Variants in RIMS1 observed in about 807,000 individuals in gnomAD.
RIMS1 encodes regulating synaptic membrane exocytosis 1.
A neutral mutation model predicts 214.1 loss-of-function variants in RIMS1; 83 were observed. That is an observed-to-expected ratio of 0.39 (90% CI 0.32 to 0.47). The LOEUF (loss-of-function observed/expected upper bound fraction) is 0.47. RIMS1 is among the 20% of genes least tolerant of loss of function. The pLI is 0.99. For missense variants in RIMS1, 2,050 were observed against 2,161.8 expected (o/e 0.95, Z 1.03); for synonymous variants, 793 against 786.8 (o/e 1.01, Z -0.13).
intron 4 of RIMS1, among the ~76,000 whole-genome samples, chr6:72,169,471 G>A (rs527887278): frequency 1.7e-4 from 26 of 152,208 alleles, no homozygotes; most frequent in Non-Finnish European, 3.4e-4. Context: ...ATTTTAGCCA[G>A]GAATATGAGA....
At chr6:72,299,785 A>T (rs919005098) in intron 26 of RIMS1, among the ~76,000 whole-genome samples, 3 of 151,998 alleles carry the variant, frequency 2.0e-5, no homozygotes, top group Non-Finnish European at 4.4e-5. Flanking sequence ...CACTATAAGA[A>T]CAAATTATGT....
At chr6:72,115,374 G>A (rs976258585) in intron 4 of RIMS1, among the ~76,000 whole-genome samples, 14 of 151,772 alleles carry the variant, frequency 9.2e-5, no homozygotes, top group East Asian at 1.9e-4. Context: ...GCTATCCTTC[G>A]TATGTCAATC....
chr6:72,018,984 AC>A (rs1486566181), intron 2 of RIMS1, among the ~76,000 whole-genome samples: 1 of 152,146 alleles, frequency 6.6e-6, no homozygotes, highest in Non-Finnish European at 1.5e-5. Context: ...TTTTTAGATG[AC>A]CTGCTTGATT....
At chr6:71,970,903 T>C (rs1447286381) in intron 2 of RIMS1, among the ~76,000 whole-genome samples, 2 of 152,156 alleles carry the variant, frequency 1.3e-5, no homozygotes, top group Non-Finnish European at 2.9e-5. Context: ...AAAAATAAAT[T>C]GGGAGGGGGT....
At chr6:71,890,807 T>G (rs531578192) in intron 1 of RIMS1, among the ~76,000 whole-genome samples, 1 of 152,248 alleles carries the variant, frequency 6.6e-6, no homozygotes, top group African/African-American at 2.4e-5. Context: ...ATTATAAGTA[T>G]AAATATTTGG....
At chr6:72,355,829 A>G (rs1218545446) in intron 29 of RIMS1, among the ~76,000 whole-genome samples, 1 of 152,160 alleles carries the variant, frequency 6.6e-6, no homozygotes, top group Non-Finnish European at 1.5e-5. Flanking sequence ...CTCCCCCAAC[A>G]ATAACAAAAA....
intron 1 of RIMS1, among the ~76,000 whole-genome samples, chr6:71,951,191 T>C (rs1789396367): frequency 6.6e-6 from 1 of 152,214 alleles, no homozygotes; most frequent in African/African-American, 2.4e-5. Flanking sequence ...AGATTATGTT[T>C]CCTTTAGTGG....
At chr6:72,364,602 CTG>C (rs1290299423) in intron 29 of RIMS1, among the ~76,000 whole-genome samples, 1 of 152,162 alleles carries the variant, frequency 6.6e-6, no homozygotes, top group Middle Eastern at 3.2e-3. Flanking sequence ...TCTTTGGCAA[CTG>C]TGTTGGTCAG....
chr6:72,212,470 A>C (rs956228207), intron 6 of RIMS1, among the ~76,000 whole-genome samples: 59 of 152,152 alleles, frequency 3.9e-4, no homozygotes, highest in Non-Finnish European at 7.6e-4. Flanking sequence ...CCTAAGTTCA[A>C]ATATTTCAAG....
chr6:72,131,544 G>C (rs755056480), intron 4 of RIMS1, among the ~76,000 whole-genome samples: 1 of 150,094 alleles, frequency 6.7e-6, no homozygotes, highest in Non-Finnish European at 1.5e-5. Flanking sequence ...GGAGTGTACC[G>C]ATAGGGTGTG....
chr6:72,128,014 G>T (rs2039861315), intron 4 of RIMS1, among the ~76,000 whole-genome samples: 1 of 152,162 alleles, frequency 6.6e-6, no homozygotes, highest in African/African-American at 2.4e-5. Flanking sequence ...ACTAATGTAT[G>T]TCAGGGAATT....
chr6:72,269,655 G>A (rs972897629), intron 22 of RIMS1, among the ~76,000 whole-genome samples: 3 of 151,962 alleles, frequency 2.0e-5, no homozygotes, highest in Non-Finnish European at 2.9e-5. Context: ...TTCCTGCTCC[G>A]TCACAAATTC....
chr6:71,934,830 AT>A (rs1415471523), intron 1 of RIMS1, among the ~76,000 whole-genome samples: 1 of 152,192 alleles, frequency 6.6e-6, no homozygotes, highest in Non-Finnish European at 1.5e-5. Flanking sequence ...CTCTGCCATT[AT>A]TATGTTTATT....
intron 29 of RIMS1, among the ~76,000 whole-genome samples, chr6:72,343,813 G>A (rs2097177322): frequency 6.6e-6 from 1 of 151,424 alleles, no homozygotes; most frequent in Admixed American, 6.6e-5. Context: ...AGGTGTTTTA[G>A]GTAGATTTAT....
chr6:72,061,917 T>G (rs1396225746), intron 2 of RIMS1, among the ~76,000 whole-genome samples: 2 of 152,252 alleles, frequency 1.3e-5, no homozygotes, highest in Admixed American at 1.3e-4. Flanking sequence ...CATGGCAGTG[T>G]TCATAAATAT....
intron 1 of RIMS1, among the ~76,000 whole-genome samples, chr6:71,942,650 T>C (rs1220854691): frequency 2.0e-5 from 3 of 152,140 alleles, no homozygotes; most frequent in African/African-American, 7.2e-5. Flanking sequence ...TTTTTAAAAA[T>C]GTATAACCTG....
At chr6:72,223,949 A>T (rs77668684) in intron 6 of RIMS1, among the ~76,000 whole-genome samples, 2 of 146,286 alleles carry the variant, frequency 1.4e-5, no homozygotes. Context: ...CTCCGTCTCA[A>T]AAAAAAAAAA....
intron 1 of RIMS1, among the ~76,000 whole-genome samples, chr6:71,954,846 G>GCACACACA (rs57226234): frequency 2.1e-5 from 3 of 144,832 alleles, no homozygotes; most frequent in African/African-American, 2.6e-5. Flanking sequence ...CCACTCCTCA[G>GCACACACA]CACACACACA....
At chr6:72,153,520 T>A (rs533013866) in intron 4 of RIMS1, among the ~76,000 whole-genome samples, 80 of 152,272 alleles carry the variant, frequency 5.3e-4, no homozygotes, top group African/African-American at 1.9e-3. Flanking sequence ...CATGTTCTAA[T>A]CTCTATTAGC....
Sources: allele counts gnomAD v4.1 joint callset (sites outside exome capture counted in the v4.1 genomes callset), GRCh38; gene constraint gnomAD v4.1.1; transcripts MANE v1.5; gene names NCBI Gene and HGNC (gene_info 2026-07-23, HGNC 2026-07-21).